FAM234A: variants seen among roughly 807,000 people sequenced by gnomAD.
The protein encoded by FAM234A is family with sequence similarity 234 member A.
FAM234A carries 42 observed loss-of-function variants against 49.1 expected under a neutral mutation model. That is an observed-to-expected ratio of 0.86 (90% confidence interval 0.67 to 1.11). The LOEUF is 1.11. Among genes scored for constraint, FAM234A ranks in the 50% least tolerant of loss-of-function variants. The pLI is 0.00. For synonymous variants in FAM234A, 369 were observed against 316.2 expected, an observed-to-expected ratio of 1.17 and a Z score of -1.77; for missense variants, 815 against 745.2, an observed-to-expected ratio of 1.09 and a Z score of -1.09.
At chr16:269,845 ACCT>A (rs1353537531), downstream of FAM234A, 7 of 434,874 alleles carry the variant, frequency 1.6e-5, no homozygotes, top group Admixed American at 1.6e-4. Context: ...AAACCGCGGC[ACCT>A]CCTCAGCCAT....
At position 262,360 on chromosome 16, in the gene FAM234A, G is replaced by A. The variant is rs552153032; in HGVS notation, c.842-64G>A. On this transcript the variant is annotated intron_variant, in intron 7 of 12. Transcript: ENST00000399932. ...GGGGCCTGGCTCCATGTGGCACTGC[G>A]TGCCCCTGGTCCGGGTTCACAGCGT... The A allele has an allele frequency of 2.1e-5, 32 of 1,556,330 alleles. 1 individual carries two copies. Among genetic ancestry groups the A allele is most frequent in the African/African-American group, 1.5e-4 (11 of 73,470 alleles).
intron 1 of FAM234A, among the ~76,000 whole-genome samples, chr16:240,674 GTACTTT>G (rs1173558509): frequency 6.6e-6 from 1 of 152,060 alleles, no homozygotes; most frequent in African/African-American, 2.4e-5. Context: ...GCTAATTTTT[GTACTTT>G]TAGTAGAGAT....
At chr16:246,646 C>G (rs1005274845) in intron 1 of FAM234A, among the ~76,000 whole-genome samples, 4 of 151,148 alleles carry the variant, frequency 2.6e-5, no homozygotes, top group African/African-American at 7.3e-5. Context: ...GTCTCAATCT[C>G]CTGACCTTGT....
downstream of FAM234A, among the ~76,000 whole-genome samples, chr16:267,124 GGCCCTAGAGAGTCT>G (rs1431871249): frequency 1.3e-5 from 2 of 152,116 alleles, no homozygotes; most frequent in African/African-American, 2.4e-5. Flanking sequence ...GGTCACTGCG[GGCCCTAGAGAGTCT>G]GGGCCATGCC....
downstream of FAM234A, among the ~76,000 whole-genome samples, chr16:266,989 C>CCCCA (rs1277555203): frequency 1.3e-5 from 2 of 152,060 alleles, no homozygotes; most frequent in Non-Finnish European, 2.9e-5. Context: ...GGGCCATGAG[C>CCCCA]CCCACCCTGA....
In FAM234A at chr16:264,675, T is replaced by C; in HGVS notation, c.1406T>C (p.Leu469Pro). The C allele has an allele frequency of 1.2e-6, 2 of 1,612,254 alleles. No homozygotes were observed. Among genetic ancestry groups the C allele is most frequent in the Non-Finnish European group, 1.7e-6 (2 of 1,179,970 alleles). Residue 469 changes from leucine to proline, a missense_variant, in exon 12 of 13, where the codon CTG (leucine) becomes CCG (proline). Transcript: ENST00000399932. The part of the protein sequence containing the change: ...MFHPTLPRVL[L>P]ELANVSTHIV... ...CACCCCACCCTGCCGCGCGTGCTGC[T>C]GGAGCTGGCCAATGTCTCTACCCAC...
In FAM234A at chr16:262,173, C is replaced by T. The variant is rs1202086379; in HGVS notation, c.789C>T (p.Gly263=). The stretch of plus-strand genomic sequence containing the variant: ...GCCTTGGTGTGGACGGGGAAAGTGG[C>T]TTCCTCCTTCACGTCACCAGGACAG... The part of the protein sequence containing the change: ...RGSLGVDGES[G]FLLHVTRTGA... The change falls in exon 7 of 13, where the codon GGC becomes GGT. Residue 263 remains glycine (G), a synonymous_variant. Coordinates refer to ENST00000399932, the MANE Select transcript of FAM234A (RefSeq NM_032039.4). 1.9e-6 allele frequency: 3 copies of T among 1,614,030 alleles called. No homozygotes were observed. Among genetic ancestry groups the T allele is most frequent in the Non-Finnish European group, 2.5e-6 (3 of 1,180,026 alleles).
At position 265,386 on chromosome 16, in the gene FAM234A, C is replaced by T. The variant is rs2051658685; in HGVS notation, c.*364C>T. 1.9e-6 allele frequency: 2 copies of T among 1,053,294 alleles called. No individual in the cohort carries two copies. Among genetic ancestry groups the T allele is most frequent in the Non-Finnish European group, 1.1e-6 (1 of 873,670 alleles). 65.2% of individuals were successfully genotyped at this position (1,053,294 alleles called of 1,614,324 possible). On this transcript the variant is annotated 3_prime_UTR_variant, in exon 13 of 13. Coordinates refer to ENST00000399932, the MANE Select transcript of FAM234A (RefSeq NM_032039.4). ...TTACCCGGTGCCCTCTCCTTGCCAGCTTCTCCCCAGGCCAGAGCGGCCATC... is the reference window on the plus strand; with the variant it reads ...TTACCCGGTGCCCTCTCCTTGCCAGTTTCTCCCCAGGCCAGAGCGGCCATC...
At chr16:249,145 G>A (rs1381664577) in intron 1 of FAM234A, among the ~76,000 whole-genome samples, 3 of 151,922 alleles carry the variant, frequency 2.0e-5, no homozygotes, top group Non-Finnish European at 4.4e-5. Context: ...CAGGCCGGGC[G>A]GCATCTTCAG....
downstream of FAM234A, chr16:269,690 G>A (rs887032351): frequency 1.1e-6 from 1 of 915,702 alleles, no homozygotes; most frequent in Admixed American, 2.2e-5. Context: ...TCCAGCCACA[G>A]AGTCTCCGGC....
At chr16:255,726 C>T (rs913673604) in intron 3 of FAM234A, among the ~76,000 whole-genome samples, 1 of 152,186 alleles carries the variant, frequency 6.6e-6, no homozygotes, top group Non-Finnish European at 1.5e-5. Flanking sequence ...TGCAATGGCA[C>T]AATCTCCGCT....
intron 1 of FAM234A, among the ~76,000 whole-genome samples, chr16:238,763 C>G (rs143605167): frequency 0.015 from 938 of 62,724 alleles, 19 homozygotes; most frequent in African/African-American, 0.057. Flanking sequence ...GAGACTCCGT[C>G]TCAAAAAAAA....
intron 1 of FAM234A, among the ~76,000 whole-genome samples, chr16:248,579 G>A (rs1469847076): frequency 6.6e-6 from 1 of 151,876 alleles, no homozygotes; most frequent in African/African-American, 2.4e-5. Context: ...TTGAGCCTGG[G>A]AGCCACAAGA....
rs2051392980 is a variant in FAM234A, at chr16:259,985, C to T, written c.402C>T (p.Cys134=). ...TCCCTACAGGCTTTTCCTCTCCCTG[C>T]ACCTTTGCAGCTGCTGTGTCGGGGG... is the stretch of plus-strand genomic sequence containing the variant. ...SCVDEGFSSP[C]TFAAAVSGAN... Residue 134 remains cysteine, a synonymous_variant, in exon 5 of 13, where the codon TGC becomes TGT. Transcript: ENST00000399932. 6.2e-7 allele frequency: 1 copy of T among 1,613,404 alleles called. No homozygotes were observed. Among genetic ancestry groups the T allele is most frequent in the Non-Finnish European group, 8.5e-7 (1 of 1,179,932 alleles).
chr16:265,699 A>G lies in FAM234A; in HGVS notation c.*677A>G, dbSNP rs2141383172. The G allele has an allele frequency of 1.0e-6, 1 of 985,394 alleles. No homozygotes were observed. The allele number at this position is 985,394 out of a possible 1,614,324, so 61.0% of individuals were successfully genotyped here. A position where few individuals can be genotyped will look rare whatever the true frequency, so the allele number is the denominator to read the frequency against. On this transcript the variant is annotated 3_prime_UTR_variant, in exon 13 of 13. Coordinates refer to ENST00000399932, the MANE Select transcript of FAM234A (RefSeq NM_032039.4). ...ATGGGTGGGGCCTGCTCTGGAGCTG[A>G]GCCCGTGGCCGCTCACAGGTGTCCT...
At position 236,803 on chromosome 16, in the gene FAM234A, G is replaced by A. The variant is rs187027528; in HGVS notation, c.-140+1946G>A. 7.5e-3 allele frequency among the ~76,000 whole-genome samples: 879 copies of A among 116,790 alleles called. 140 individuals carry two copies. The highest frequency in any genetic ancestry group is 0.024 in the African/African-American group (851 of 35,500). 76.6% of individuals were successfully genotyped at this position (116,790 alleles called of 152,430 possible). A position where few individuals can be genotyped will look rare whatever the true frequency, so the allele number is the denominator to read the frequency against. On this transcript the variant is annotated intron_variant, in intron 1 of 12. Coordinates refer to ENST00000399932, the MANE Select transcript of FAM234A (RefSeq NM_032039.4). The stretch of plus-strand genomic sequence containing the variant: ...CGCCTGTAGTCCCAGCTACGCGGGA[G>A]GCTGAGGCAGGAGAATGGCGGAAAC...
At chr16:247,121 ATGTTT>A (rs1001408491) in intron 1 of FAM234A, 4 of 150,102 alleles carry the variant, frequency 2.7e-5, no homozygotes, top group African/African-American at 7.4e-5. Flanking sequence ...TGTTTTATCG[ATGTTT>A]TGTTCTGTTT....
intron 5 of FAM234A, chr16:260,439 G>T: frequency 1.9e-6 from 1 of 530,326 alleles, no homozygotes; most frequent in East Asian, 3.8e-5. Flanking sequence ...CCTGCCATGG[G>T]GTAGCAGAGA....
intron 1 of FAM234A, among the ~76,000 whole-genome samples, chr16:244,215 G>T (rs549477004): frequency 1.3e-5 from 2 of 152,112 alleles, no homozygotes; most frequent in South Asian, 4.1e-4. Flanking sequence ...TGATCCACCC[G>T]CCTTGGCCTC....
Sources: allele counts gnomAD v4.1 joint callset (sites outside exome capture counted in the v4.1 genomes callset), GRCh38; gene constraint gnomAD v4.1.1; transcripts MANE v1.5; gene names NCBI Gene and HGNC (gene_info 2026-07-23, HGNC 2026-07-21).